Variants in FNBP1L observed in about 807,000 individuals in gnomAD.
FNBP1L encodes the protein formin-binding protein 1-like.
FNBP1L carries 36 observed loss-of-function variants against 91.2 expected under a neutral mutation model. The ratio of observed to expected loss-of-function variants is 0.39; its 90% CI spans 0.30 to 0.52. The LOEUF (loss-of-function observed/expected upper bound fraction) is 0.52, where lower values mean the gene tolerates loss of function less well. Ranked by LOEUF, FNBP1L falls within the 20% of genes least tolerant of loss-of-function variation. The pLI is 0.66. For synonymous variants in FNBP1L, 242 were observed against 237.0 expected, an observed-to-expected ratio of 1.02 and a Z score of -0.19; for missense variants, 571 against 732.1, an observed-to-expected ratio of 0.78 and a Z score of 2.54.
intron 1 of FNBP1L, among the ~76,000 whole-genome samples, chr1:93,483,185 G>A: frequency 1.6e-5 from 1 of 63,640 alleles, no homozygotes. Flanking sequence ...GTGAGACCCT[G>A]TCTCGAAAAA....
At chr1:93,514,585 A>G (rs983374415) in intron 2 of FNBP1L, among the ~76,000 whole-genome samples, 2 of 152,208 alleles carry the variant, frequency 1.3e-5, no homozygotes, top group African/African-American at 4.8e-5. Flanking sequence ...GATCAATGGA[A>G]CAGAACAGAG....
At chr1:93,532,303 C>T (rs934736718) in intron 7 of FNBP1L, among the ~76,000 whole-genome samples, 4 of 151,866 alleles carry the variant, frequency 2.6e-5, no homozygotes. Flanking sequence ...CCCATCGCTA[C>T]TAAAAATACA....
At chr1:93,493,699 C>T (rs749766886) in intron 1 of FNBP1L, among the ~76,000 whole-genome samples, 10 of 152,150 alleles carry the variant, frequency 6.6e-5, no homozygotes, top group Non-Finnish European at 1.2e-4. Context: ...CCAGAATTTC[C>T]TTCCTTTTTA....
intron 10 of FNBP1L, among the ~76,000 whole-genome samples, chr1:93,537,219 G>C (rs1671878635): frequency 6.6e-6 from 1 of 151,986 alleles, no homozygotes; most frequent in Admixed American, 6.6e-5. Context: ...CTGTAATTTA[G>C]ACTCATTTAT....
At chr1:93,514,708 T>C (rs1671011052) in intron 2 of FNBP1L, among the ~76,000 whole-genome samples, 1 of 151,776 alleles carries the variant, frequency 6.6e-6, no homozygotes, top group African/African-American at 2.4e-5. Flanking sequence ...GAAAACTGGC[T>C]AGCCATATGT....
intron 5 of FNBP1L, among the ~76,000 whole-genome samples, chr1:93,528,113 A>G (rs1020953452): frequency 6.6e-6 from 1 of 152,160 alleles, no homozygotes; most frequent in Non-Finnish European, 1.5e-5. Flanking sequence ...AATAGTAAAC[A>G]TACTAGAAAA....
Position 93,549,308 on chromosome 1 carries a change from C to A in FNBP1L, c.1533C>A (p.Asn511Lys), listed in dbSNP as rs1672331650. The change falls in exon 15 of 17, where the codon AAC becomes AAA. Residue 511 changes from asparagine to lysine, a missense_variant. This residue lies in a region of FNBP1L where 189 missense variants were observed against 219.7 expected (regional missense o/e 0.86). Coordinates refer to ENST00000271234, the MANE Select transcript of FNBP1L (RefSeq NM_001164473.3). ...SPEGSYTDDA[N>K]QEVRGPPQQH... Reference sequence around the variant, plus strand: ...AGGGAAGTTACACTGATGATGCAAACCAGGAAGTCCGTGGGCCACCCCAGC... The same window carrying A: ...AGGGAAGTTACACTGATGATGCAAAACAGGAAGTCCGTGGGCCACCCCAGC... 6.2e-7 allele frequency: 1 copy of A among 1,612,044 alleles called. No individual in the cohort carries two copies. The highest frequency in any genetic ancestry group is 8.5e-7 in the Non-Finnish European group (1 of 1,179,146).
intron 11 of FNBP1L, among the ~76,000 whole-genome samples, chr1:93,542,451 A>AG (rs1326482737): frequency 1.3e-5 from 2 of 149,054 alleles, no homozygotes; most frequent in African/African-American, 5.0e-5. Context: ...ATGAAAAAAA[A>AG]AAAAAAAAAA....
chr1:93,551,077 A>C lies in FNBP1L; in HGVS notation c.1782A>C (p.Ile594=). 1 of 1,611,404 alleles carries C rather than the reference A, an allele frequency of 6.2e-7. No homozygotes were observed. Among genetic ancestry groups the C allele is most frequent in the Non-Finnish European group, 8.5e-7 (1 of 1,178,672 alleles). The change falls in exon 16 of 17, where the codon ATA becomes ATC. Residue 594 remains isoleucine (I), a synonymous_variant. Transcript: ENST00000271234. ...GEEGYVPTSY[I]DVTLEKNSKG... ...AAGGCTACGTTCCCACGTCATACATAGATGTAACTCTAGAGAAAAACAGTA... is the reference window on the plus strand; with the variant it reads ...AAGGCTACGTTCCCACGTCATACATCGATGTAACTCTAGAGAAAAACAGTA...
chr1:93,456,803 G>T (rs942944371), intron 1 of FNBP1L, among the ~76,000 whole-genome samples: 4 of 151,804 alleles, frequency 2.6e-5, no homozygotes, highest in African/African-American at 7.3e-5. Context: ...CGTTGCTTTT[G>T]GGGGAGTATT....
Position 93,547,333 on chromosome 1 carries a change from T to A in FNBP1L, c.1408-14T>A, listed in dbSNP as rs1251410125. On this transcript the variant is annotated splice_polypyrimidine_tract_variant and intron_variant, in intron 13 of 16. Coordinates refer to ENST00000271234, the MANE Select transcript of FNBP1L (RefSeq NM_001164473.3). ...TTTATTGAGCTCAGTTGTTTGCTTA[T>A]TTTTTTTCCTAAGGCTTGGCTCTCT... 3.2e-6 allele frequency: 5 copies of A among 1,539,712 alleles called. No individual in the cohort carries two copies. Among genetic ancestry groups the A allele is most frequent in the East Asian group, 4.9e-5 (2 of 41,048 alleles).
chr1:93,509,031 CA>C (rs1288163454), intron 2 of FNBP1L, among the ~76,000 whole-genome samples: 1 of 152,162 alleles, frequency 6.6e-6, no homozygotes, highest in Non-Finnish European at 1.5e-5. Flanking sequence ...GATTGACTTT[CA>C]TTGGCCTAGA....
At chr1:93,462,467 A>G (rs535307353) in intron 1 of FNBP1L, among the ~76,000 whole-genome samples, 1 of 152,248 alleles carries the variant, frequency 6.6e-6, no homozygotes, top group African/African-American at 2.4e-5. Context: ...ACAGTTTATT[A>G]AGGTTTCCTT....
At chr1:93,472,460 C>G (rs917692246) in intron 1 of FNBP1L, among the ~76,000 whole-genome samples, 11 of 151,770 alleles carry the variant, frequency 7.2e-5, no homozygotes, top group Non-Finnish European at 2.9e-5. Flanking sequence ...ATTATACTAC[C>G]TTTTATTGAA....
At chr1:93,448,364 G>C in intron 1 of FNBP1L, 59 bp downstream of exon 1, 1 of 1,456,326 alleles carries the variant, frequency 6.9e-7, no homozygotes, top group Non-Finnish European at 9.0e-7. Context: ...CGCGGGTTGG[G>C]CGGGCGCCGC....
chr1:93,476,179 T>C (rs1050504559), intron 1 of FNBP1L, among the ~76,000 whole-genome samples: 1 of 152,204 alleles, frequency 6.6e-6, no homozygotes, highest in Non-Finnish European at 1.5e-5. Flanking sequence ...AATGTACAAA[T>C]GATATGTAAC....
At chr1:93,551,594 ATAG>A in intron 16 of FNBP1L, 1 of 985,414 alleles carries the variant, frequency 1.0e-6, no homozygotes, top group Non-Finnish European at 1.2e-6. Flanking sequence ...AAGAAGAAAA[ATAG>A]TAGTTGGATA....
At chr1:93,481,531 GTT>G (rs1050403452) in intron 1 of FNBP1L, among the ~76,000 whole-genome samples, 1 of 152,090 alleles carries the variant, frequency 6.6e-6, no homozygotes, top group African/African-American at 2.4e-5. Flanking sequence ...ATCTTAACTA[GTT>G]TATCAAGTCA....
At chr1:93,528,521 TATC>T (rs1380703350) in intron 5 of FNBP1L, among the ~76,000 whole-genome samples, 6 of 152,196 alleles carry the variant, frequency 3.9e-5, no homozygotes, top group Non-Finnish European at 8.8e-5. Flanking sequence ...GAGATTCAGT[TATC>T]TCCTGCAGAC....
Sources: allele counts gnomAD v4.1 joint callset (sites outside exome capture counted in the v4.1 genomes callset), GRCh38; gene constraint gnomAD v4.1.1; regional missense constraint gnomAD v4.1.1; transcripts MANE v1.5; gene names NCBI Gene and HGNC (gene_info 2026-07-23, HGNC 2026-07-21).